Variants in RCAN2 observed in about 807,000 individuals in gnomAD.
The protein encoded by RCAN2 is regulator of calcineurin 2.
Under a neutral mutation model 23.6 loss-of-function variants are expected in RCAN2, and 9 were observed. The observed-to-expected ratio is 0.38, with a 90% CI of 0.23 to 0.67. The LOEUF is 0.67. Ranked by LOEUF, RCAN2 falls within the 30% of genes least tolerant of loss-of-function variation. RCAN2 has a pLI of 0.51. For missense variants in RCAN2, 273 were observed against 302.3 expected, an observed-to-expected ratio of 0.90 and a Z score of 0.72; for synonymous variants, 109 against 115.7, an observed-to-expected ratio of 0.94 and a Z score of 0.37.
chr6:46,418,963 C>T (rs1031325465), intron 2 of RCAN2, among the ~76,000 whole-genome samples: 2 of 151,628 alleles, frequency 1.3e-5, no homozygotes, highest in African/African-American at 4.8e-5. Context: ...CGGCACACAC[C>T]TGTAGTCCTA....
chr6:46,332,392 C>G (rs548368007), intron 2 of RCAN2, among the ~76,000 whole-genome samples: 4 of 151,844 alleles, frequency 2.6e-5, no homozygotes, highest in Non-Finnish European at 4.4e-5. Context: ...ATGTGCCATG[C>G]GGGTGTGCTG....
At position 46,484,934 on chromosome 6, in the gene RCAN2, CAAG is replaced by C. The variant is rs148789900; in HGVS notation, c.-3+6236_-3+6238del. ...TTATCTTCACCAAAAAGAGTGCTTA[CAAG>C]AAGGACAGAGGTGACATCTGTATTC... On this transcript the variant is annotated intron_variant, in intron 1 of 4. Transcript: ENST00000371374. Among the ~76,000 whole-genome samples the C allele has an allele frequency of 9.3e-3, 1,423 of 152,196 alleles. 19 individuals carry two copies. Among genetic ancestry groups the C allele is most frequent in the African/African-American group, 0.032 (1,347 of 41,522 alleles).
chr6:46,253,480 C>T (rs1201938096), intron 2 of RCAN2, among the ~76,000 whole-genome samples: 2 of 152,148 alleles, frequency 1.3e-5, no homozygotes, highest in African/African-American at 2.4e-5. Context: ...AGAATGTTTC[C>T]TCCAGTCAAA....
rs1405176549 is a variant in RCAN2, at chr6:46,436,301, C to T, written c.225+20451G>A. ...AATCTCGGCTCACTGCAACCTCCAC[C>T]TCCTGGGTTCAAGCAATTCTCCTGC... On this transcript the variant is annotated intron_variant, in intron 2 of 4. Transcript: ENST00000371374. Among the ~76,000 whole-genome samples, 5 of 152,236 alleles carry T rather than the reference C, an allele frequency of 3.3e-5. No individual in the cohort carries two copies. In the East Asian group the frequency reaches 9.6e-4, roughly 29 times the overall value.
At chr6:46,339,900 G>A (rs1169030634) in intron 2 of RCAN2, among the ~76,000 whole-genome samples, 2 of 152,056 alleles carry the variant, frequency 1.3e-5, no homozygotes, top group Non-Finnish European at 2.9e-5. Context: ...TCAGTGGAAA[G>A]CCATTCTCCT....
intron 4 of RCAN2, among the ~76,000 whole-genome samples, chr6:46,243,427 T>C (rs1766379458): frequency 6.6e-6 from 1 of 152,184 alleles, no homozygotes; most frequent in Non-Finnish European, 1.5e-5. Flanking sequence ...TCTCAATATT[T>C]GCTCTTGTAC....
At chr6:46,486,806 A>C (rs1342849976) in intron 1 of RCAN2, among the ~76,000 whole-genome samples, 1 of 152,222 alleles carries the variant, frequency 6.6e-6, no homozygotes, top group African/African-American at 2.4e-5. Flanking sequence ...TTCTGTGGGC[A>C]TTCTGAACTG....
At chr6:46,462,363 T>C (rs1198990446) in intron 1 of RCAN2, among the ~76,000 whole-genome samples, 1 of 152,232 alleles carries the variant, frequency 6.6e-6, no homozygotes, top group Non-Finnish European at 1.5e-5. Context: ...ACATAGACAA[T>C]TGCATTTGAC....
chr6:46,356,863 A>G (rs1275564077), intron 2 of RCAN2, among the ~76,000 whole-genome samples: 1 of 152,196 alleles, frequency 6.6e-6, no homozygotes, highest in Non-Finnish European at 1.5e-5. Context: ...TACCCATTCT[A>G]CCAAATAAGA....
intron 2 of RCAN2, among the ~76,000 whole-genome samples, chr6:46,250,742 T>C (rs1353496001): frequency 2.0e-5 from 3 of 152,194 alleles, no homozygotes; most frequent in Non-Finnish European, 4.4e-5. Flanking sequence ...AATAAGAGCA[T>C]TTATATTTAA....
chr6:46,282,381 TA>T (rs746550021), intron 2 of RCAN2, among the ~76,000 whole-genome samples: 3,706 of 137,996 alleles, frequency 0.027, 136 homozygotes, highest in African/African-American at 0.087. Context: ...TCATCTCTAC[TA>T]AAAAAAAAAA....
At chr6:46,382,464 A>T (rs1432051480) in intron 2 of RCAN2, among the ~76,000 whole-genome samples, 1 of 152,154 alleles carries the variant, frequency 6.6e-6, no homozygotes, top group Non-Finnish European at 1.5e-5. Context: ...AAAAAATCAC[A>T]ATTCCCAGGA....
intron 2 of RCAN2, among the ~76,000 whole-genome samples, chr6:46,266,839 G>C (rs1454835164): frequency 6.6e-6 from 1 of 152,148 alleles, no homozygotes; most frequent in African/African-American, 2.4e-5. Flanking sequence ...GCACAGAGCA[G>C]GGGATGACAT....
chr6:46,370,671 ACT>A (rs1462153900), intron 2 of RCAN2, among the ~76,000 whole-genome samples: 1 of 151,848 alleles, frequency 6.6e-6, no homozygotes, highest in African/African-American at 2.4e-5. Context: ...ATGCACTGAC[ACT>A]CTACTCTGGT....
chr6:46,349,045 T>C (rs1312447829), intron 2 of RCAN2, among the ~76,000 whole-genome samples: 2 of 152,172 alleles, frequency 1.3e-5, no homozygotes, highest in African/African-American at 4.8e-5. Context: ...AAGTGAGCCA[T>C]TTTTCCAAAA....
chr6:46,260,902 A>C (rs1767089855), intron 2 of RCAN2, among the ~76,000 whole-genome samples: 1 of 152,078 alleles, frequency 6.6e-6, no homozygotes, highest in Admixed American at 6.5e-5. Flanking sequence ...TCTCTGTTAC[A>C]TGCCAGAAAA....
At chr6:46,453,126 A>G (rs1767926619) in intron 2 of RCAN2, among the ~76,000 whole-genome samples, 1 of 152,188 alleles carries the variant, frequency 6.6e-6, no homozygotes, top group African/African-American at 2.4e-5. Context: ...ACCTTCCTCA[A>G]GATGACTTCT....
chr6:46,386,966 A>G (rs551442030), intron 2 of RCAN2, among the ~76,000 whole-genome samples: 433 of 152,340 alleles, frequency 2.8e-3, no homozygotes, highest in Non-Finnish European at 5.4e-3. Context: ...CAACCATCTG[A>G]TCTTTGACAA....
At chr6:46,376,723 A>AAC (rs1561880929) in intron 2 of RCAN2, among the ~76,000 whole-genome samples, 14 of 151,746 alleles carry the variant, frequency 9.2e-5, no homozygotes, top group Admixed American at 2.6e-4. Context: ...AACAAAAAAA[A>AAC]AAAACACGGT....
Sources: allele counts gnomAD v4.1 joint callset (sites outside exome capture counted in the v4.1 genomes callset), GRCh38; gene constraint gnomAD v4.1.1; transcripts MANE v1.5; gene names NCBI Gene and HGNC (gene_info 2026-07-23, HGNC 2026-07-21).